CAMTA1: variants seen among roughly 807,000 people sequenced by gnomAD.
The protein encoded by CAMTA1 is calmodulin-binding transcription activator 1.
Under a neutral mutation model 170.9 loss-of-function variants are expected in CAMTA1, and 27 were observed. The observed-to-expected ratio is 0.16, with a 90% CI of 0.12 to 0.22. The LOEUF (loss-of-function observed/expected upper bound fraction) is 0.22, where lower values mean the gene tolerates loss of function less well. Ranked by LOEUF, CAMTA1 falls within the 10% of genes least tolerant of loss-of-function variation. CAMTA1 has a pLI of 1.00. For missense variants in CAMTA1, 1,619 were observed against 2,217.2 expected, an observed-to-expected ratio of 0.73 and a Z score of 5.42; for synonymous variants, 833 against 891.5, an observed-to-expected ratio of 0.93 and a Z score of 1.17.
chr1:7,421,145 T>C (rs1470124533), intron 5 of CAMTA1, among the ~76,000 whole-genome samples: 1 of 151,968 alleles, frequency 6.6e-6, no homozygotes, highest in Non-Finnish European at 1.5e-5. Context: ...AATTTCTTTT[T>C]TCTTTCTTTC....
intron 5 of CAMTA1, among the ~76,000 whole-genome samples, chr1:7,372,761 A>T (rs1417193460): frequency 6.6e-6 from 1 of 152,248 alleles, no homozygotes; most frequent in Non-Finnish European, 1.5e-5. Flanking sequence ...GAAGTGATGC[A>T]CAGAGAGATG....
chr1:7,399,256 T>C (rs180944342), intron 5 of CAMTA1, among the ~76,000 whole-genome samples: 26 of 152,314 alleles, frequency 1.7e-4, no homozygotes, highest in Admixed American at 1.7e-3. Context: ...CCTGGCACCT[T>C]TGCTCTCTCT....
intron 5 of CAMTA1, among the ~76,000 whole-genome samples, chr1:7,297,729 G>T (rs997955142): frequency 8.5e-5 from 13 of 152,198 alleles, no homozygotes; most frequent in African/African-American, 3.1e-4. Flanking sequence ...AGGCTGCTGT[G>T]CCCCATCGTC....
intron 4 of CAMTA1, among the ~76,000 whole-genome samples, chr1:7,139,051 A>G (rs1473591648): frequency 7.0e-6 from 1 of 143,388 alleles, no homozygotes; most frequent in Non-Finnish European, 1.5e-5. Flanking sequence ...ATAAATATAT[A>G]TTTATATTTA....
At chr1:7,053,804 T>C (rs569974694) in intron 3 of CAMTA1, among the ~76,000 whole-genome samples, 28 of 152,228 alleles carry the variant, frequency 1.8e-4, no homozygotes, top group Non-Finnish European at 3.7e-4. Context: ...TAGCAGGGCC[T>C]GGGACCTGGT....
intron 6 of CAMTA1, among the ~76,000 whole-genome samples, chr1:7,472,632 C>T (rs956728719): frequency 6.6e-6 from 1 of 152,180 alleles, no homozygotes; most frequent in Non-Finnish European, 1.5e-5. Flanking sequence ...CGGAAGTGGC[C>T]AGAAAGTGGG....
At position 7,626,617 on chromosome 1, in the gene CAMTA1, T is replaced by G. The variant is rs557673508; in HGVS notation, c.511-13783T>G. Among the ~76,000 whole-genome samples, 6 of 152,346 alleles carry G rather than the reference T, an allele frequency of 3.9e-5. No homozygotes were observed. The East Asian group carries it at 1.2e-3, about 29-fold the overall frequency. ...GCAAAGCGAGGGAGGTGTAATCATTTGCTTCAGAAGGTTCTGAACATCAGG... is the reference window on the plus strand; with the variant it reads ...GCAAAGCGAGGGAGGTGTAATCATTGGCTTCAGAAGGTTCTGAACATCAGG... On this transcript the variant is annotated intron_variant, in intron 6 of 22. Transcript: ENST00000303635.
chr1:7,654,748 CA>C (rs2095870410), intron 7 of CAMTA1, among the ~76,000 whole-genome samples: 1 of 75,260 alleles, frequency 1.3e-5, no homozygotes, highest in Non-Finnish European at 2.9e-5. Context: ...CCTATACACA[CA>C]CATATACAAA....
intron 4 of CAMTA1, among the ~76,000 whole-genome samples, chr1:7,170,108 G>A (rs1573616807): frequency 6.6e-6 from 1 of 151,990 alleles, no homozygotes; most frequent in African/African-American, 2.4e-5. Flanking sequence ...TTAAGCAGGA[G>A]CATTGGTTCA....
At chr1:7,187,690 A>G (rs1653663622) in intron 4 of CAMTA1, among the ~76,000 whole-genome samples, 1 of 152,248 alleles carries the variant, frequency 6.6e-6, no homozygotes. Flanking sequence ...AGAAAAGCCC[A>G]TACTTCCTGG....
At chr1:7,303,550 G>T (rs1328372503) in intron 5 of CAMTA1, among the ~76,000 whole-genome samples, 1 of 152,110 alleles carries the variant, frequency 6.6e-6, no homozygotes, top group Non-Finnish European at 1.5e-5. Flanking sequence ...CCTTTTGTTG[G>T]ATGATTACAT....
chr1:7,369,340 A>G (rs527672781), intron 5 of CAMTA1, among the ~76,000 whole-genome samples: 1 of 152,288 alleles, frequency 6.6e-6, no homozygotes, highest in Admixed American at 6.5e-5. Context: ...GAGGTGCCCT[A>G]ATGAGTGTAA....
chr1:6,786,136 T>G (rs755358254), intron 1 of CAMTA1, among the ~76,000 whole-genome samples: 2 of 151,630 alleles, frequency 1.3e-5, no homozygotes, highest in Non-Finnish European at 2.9e-5. Flanking sequence ...GGCACCCTCT[T>G]CAGCCCCGTG....
chr1:7,055,270 T>C (rs1707126404), intron 3 of CAMTA1, among the ~76,000 whole-genome samples: 1 of 152,202 alleles, frequency 6.6e-6, no homozygotes, highest in Non-Finnish European at 1.5e-5. Flanking sequence ...CACATAGTAT[T>C]AACTGGTAGC....
At chr1:7,240,453 G>A (rs763560442) in intron 4 of CAMTA1, among the ~76,000 whole-genome samples, 15 of 151,182 alleles carry the variant, frequency 9.9e-5, no homozygotes, top group East Asian at 1.9e-4. Flanking sequence ...TATTTCAGTC[G>A]AATGTTGATG....
At position 6,973,199 on chromosome 1, in the gene CAMTA1, A is replaced by G. The variant is rs908776779; in HGVS notation, c.235-118105A>G. Among the ~76,000 whole-genome samples the G allele has an allele frequency of 3.9e-5, 6 of 152,214 alleles. 1 individual carries two copies. Among genetic ancestry groups the G allele is most frequent in the South Asian group, 4.1e-4 (2 of 4,830 alleles). On this transcript the variant is annotated intron_variant, in intron 3 of 22. Transcript: ENST00000303635. ...ACAACATGTGTTGCTATCTTTAGGCATGATGCTGTGTGGCAGATCTCCAGG... is the reference window on the plus strand; with the variant it reads ...ACAACATGTGTTGCTATCTTTAGGCGTGATGCTGTGTGGCAGATCTCCAGG...
chr1:7,255,316 TAAG>T (rs1401927568), intron 5 of CAMTA1, among the ~76,000 whole-genome samples: 1 of 151,996 alleles, frequency 6.6e-6, no homozygotes, highest in Non-Finnish European at 1.5e-5. Context: ...ATTATAATAA[TAAG>T]AAAATTAAAT....
chr1:6,824,723 A>G (rs1239372076), intron 2 of CAMTA1, among the ~76,000 whole-genome samples: 1 of 152,204 alleles, frequency 6.6e-6, no homozygotes, highest in African/African-American at 2.4e-5. Flanking sequence ...CATTTTTTCA[A>G]CTGCTTAATA....
At chr1:6,868,368 G>A (rs530355237) in intron 3 of CAMTA1, among the ~76,000 whole-genome samples, 1 of 147,682 alleles carries the variant, frequency 6.8e-6, no homozygotes, top group Non-Finnish European at 1.5e-5. Flanking sequence ...ACTGTATAGG[G>A]TTAAAAAACG....
Sources: gnomAD v4.1 joint callset for allele counts (sites outside exome capture counted in the v4.1 genomes callset) on GRCh38, gnomAD v4.1.1 for gene constraint, MANE v1.5 for transcripts, NCBI Gene and HGNC (gene_info 2026-07-23, HGNC 2026-07-21) for gene names.